Variants in NUDC observed in about 807,000 individuals in gnomAD.
NUDC encodes nuclear migration protein nudC.
In NUDC, 14 loss-of-function variants were observed where a neutral mutation model predicts 45.0. The observed-to-expected ratio is 0.31, with a 90% CI of 0.21 to 0.49. The LOEUF (loss-of-function observed/expected upper bound fraction) is 0.49. NUDC is among the 20% of genes least tolerant of loss of function. The pLI, the probability that NUDC is intolerant of heterozygous loss-of-function variation, is 0.99. For missense variants in NUDC, 323 were observed against 426.2 expected (o/e 0.76, Z 2.13); for synonymous variants, 153 against 156.7 (o/e 0.98, Z 0.17).
Position 26,942,790 on chromosome 1 carries a change from A to G in NUDC, c.546+14A>G. On this transcript the variant is annotated intron_variant, in intron 5 of 8. Transcript: ENST00000321265. The stretch of plus-strand genomic sequence containing the variant: ...TCGGAGCTGGACGTGAGTGTCAGGG[A>G]CCAGAGGTAAAGCTTAGGGGGCCAG... 3.7e-6 allele frequency: 6 copies of G among 1,614,154 alleles called. No homozygotes were observed. The highest frequency in any genetic ancestry group is 5.1e-6 in the Non-Finnish European group (6 of 1,180,028).
intron 2 of NUDC, among the ~76,000 whole-genome samples, chr1:26,910,190 A>C (rs758857894): frequency 1.3e-5 from 2 of 152,118 alleles, no homozygotes; most frequent in African/African-American, 4.8e-5. Context: ...GGGGGTCTGC[A>C]GTACATTGCT....
intron 2 of NUDC, among the ~76,000 whole-genome samples, chr1:26,933,597 A>G (rs987789534): frequency 1.3e-5 from 2 of 151,716 alleles, no homozygotes; most frequent in African/African-American, 4.8e-5. Flanking sequence ...TATTTCTATT[A>G]GAGACGGGGT....
chr1:26,931,125 T>G (rs1002586489), intron 2 of NUDC, among the ~76,000 whole-genome samples: 8 of 151,924 alleles, frequency 5.3e-5, no homozygotes, highest in Non-Finnish European at 7.4e-5. Context: ...TTGCCCAGCC[T>G]GGAGTGCAGT....
In NUDC at chr1:26,946,795, T is replaced by G. The variant is rs2082320415; in HGVS notation, c.*614T>G. On this transcript the variant is annotated 3_prime_UTR_variant, in exon 9 of 9. Transcript: ENST00000321265. ...TGAACCCGGGTGGCGGAGGTTGCAG[T>G]GAGCCGAGATTGCACTACTTCACTC... The G allele has an allele frequency of 6.2e-6, 1 of 161,482 alleles. No homozygotes were observed. The highest frequency in any genetic ancestry group is 1.4e-5 in the Non-Finnish European group (1 of 73,130). The allele number at this position is 161,482 out of a possible 1,614,324, so 10.0% of individuals were successfully genotyped here. A position where few individuals can be genotyped will look rare whatever the true frequency, so the allele number is the denominator to read the frequency against.
chr1:26,913,268 C>T, intron 3 of NUDC: 1 of 794,866 alleles, frequency 1.3e-6, no homozygotes, highest in Non-Finnish European at 2.1e-6. Context: ...GACTGGGTGA[C>T]AGAGTGAGAC....
intron 2 of NUDC, 75 bp downstream of exon 2, chr1:26,924,241 C>G: frequency 7.8e-7 from 1 of 1,277,284 alleles, no homozygotes; most frequent in East Asian, 2.3e-5. Context: ...CTTTCTTTGG[C>G]ATAATAGTAA....
chr1:26,901,397 C>CTTTTT (rs34988488), intron 1 of NUDC, among the ~76,000 whole-genome samples: 40 of 73,616 alleles, frequency 5.4e-4, no homozygotes, highest in South Asian at 1.6e-3. Context: ...GCCTTTTTGT[C>CTTTTT]TTTTTTTTTT....
chr1:26,921,870 G>A lies in NUDC; in HGVS notation c.22G>A (p.Glu8Lys). 2 of 1,554,768 alleles carry A rather than the reference G, an allele frequency of 1.3e-6. No homozygotes were observed. Among genetic ancestry groups the A allele is most frequent in the Non-Finnish European group, 1.7e-6 (2 of 1,149,224 alleles). The change falls in exon 1 of 9, where the codon GAG becomes AAG. Residue 8 changes from glutamate (E) to lysine (K), a missense_variant. Glu to Lys is a moderately conservative substitution (Grantham distance 56). Coordinates refer to ENST00000321265, the MANE Select transcript of NUDC (RefSeq NM_006600.4). Reference protein sequence around the residue: MGGEQEEERFDGMLLAMA... With the variant: MGGEQEEKRFDGMLLAMA... Reference sequence around the variant, plus strand: ...CGCGATGGGCGGAGAGCAGGAGGAGGAGCGGTTCGACGGCATGTTGCTGGC... The same window carrying A: ...CGCGATGGGCGGAGAGCAGGAGGAGAAGCGGTTCGACGGCATGTTGCTGGC...
At chr1:26,927,353 C>CCG (rs1454464806) in intron 2 of NUDC, among the ~76,000 whole-genome samples, 1 of 131,212 alleles carries the variant, frequency 7.6e-6, no homozygotes, top group African/African-American at 3.1e-5. Context: ...CGTGATCCAG[C>CCG]CGCCTTAGCC....
chr1:26,907,588 G>A (rs1020944112), intron 2 of NUDC, among the ~76,000 whole-genome samples: 3 of 150,986 alleles, frequency 2.0e-5, no homozygotes, highest in Non-Finnish European at 2.9e-5. Context: ...GAGTTAATGC[G>A]GGACACAGCA....
At chr1:26,945,525 T>C (rs768055362) in intron 7 of NUDC, 43 bp from the exon 8 acceptor site, 1 of 1,611,812 alleles carries the variant, frequency 6.2e-7, no homozygotes, top group Non-Finnish European at 8.5e-7. Flanking sequence ...GGGGCCTCGT[T>C]GTTTCCAGAG....
chr1:26,909,030 A>G (rs565986892), intron 2 of NUDC, among the ~76,000 whole-genome samples: 1 of 151,930 alleles, frequency 6.6e-6, no homozygotes, highest in Non-Finnish European at 1.5e-5. Flanking sequence ...GCTGGAGTGC[A>G]GTGGTGCGAT....
Position 26,941,831 on chromosome 1 carries a change from G to C in NUDC, c.429+13G>C. The C allele has an allele frequency of 1.2e-6, 2 of 1,612,180 alleles. No homozygotes were observed. The highest frequency in any genetic ancestry group is 1.7e-6 in the Non-Finnish European group (2 of 1,179,670). On this transcript the variant is annotated intron_variant, in intron 4 of 8. Transcript: ENST00000321265. ...CCCAGGGAAGCAGGTGAGATGGACTGCAGGGACTTGGGATGAGCCAGGAGC... is the reference window on the plus strand; with the variant it reads ...CCCAGGGAAGCAGGTGAGATGGACTCCAGGGACTTGGGATGAGCCAGGAGC...
intron 2 of NUDC, among the ~76,000 whole-genome samples, chr1:26,910,772 A>T (rs898015761): frequency 6.6e-6 from 1 of 152,226 alleles, no homozygotes; most frequent in African/African-American, 2.4e-5. Flanking sequence ...AGGCACAGAT[A>T]TTGACCAGTC....
chr1:26,902,957 C>T lies in NUDC; in HGVS notation c.-16+591C>T, dbSNP rs564769335. 1.4e-3 allele frequency among the ~76,000 whole-genome samples: 215 copies of T among 151,606 alleles called. 1 individual carries two copies. Among genetic ancestry groups the T allele is most frequent in the Non-Finnish European group, 2.8e-3 (188 of 67,920 alleles). ...TCAGCTCCTCAGGGAAGCTGAGGCA[C>T]GAGAATCGCTTGAACCCAGGAGGCG... is the stretch of plus-strand genomic sequence containing the variant. On this transcript the variant is annotated intron_variant, in intron 2 of 6. Transcript: ENST00000435827.
At chr1:26,937,265 T>G (rs900371528) in intron 2 of NUDC, among the ~76,000 whole-genome samples, 1 of 152,014 alleles carries the variant, frequency 6.6e-6, no homozygotes, top group Non-Finnish European at 1.5e-5. Flanking sequence ...CCCCATTGTT[T>G]AGGGGGGTTT....
chr1:26,921,701 C>A, upstream of NUDC: 1 of 798,734 alleles, frequency 1.3e-6, no homozygotes, highest in Non-Finnish European at 2.0e-6. Context: ...GAGGTGGAGG[C>A]GGGCCTGGGC....
In NUDC at chr1:26,922,819, G is replaced by C. The variant is rs893800178; in HGVS notation, c.81+890G>C. On this transcript the variant is annotated intron_variant, in intron 1 of 8. Transcript: ENST00000321265. The stretch of plus-strand genomic sequence containing the variant: ...TTCCTATGTAACCTAGGTGTCTGGT[G>C]ACCAAGGACTTCTAAGCCCTTTGTG... Among the ~76,000 whole-genome samples the C allele has an allele frequency of 3.9e-5, 6 of 152,196 alleles. No individual in the cohort carries two copies. In the East Asian group the frequency reaches 1.2e-3, roughly 29 times the overall value.
intron 1 of NUDC, among the ~76,000 whole-genome samples, chr1:26,901,659 C>T (rs1290088441): frequency 6.6e-6 from 1 of 152,130 alleles, no homozygotes; most frequent in Non-Finnish European, 1.5e-5. Flanking sequence ...CCCGCCTTGG[C>T]CTCCCAAAGT....
Sources: allele counts gnomAD v4.1 joint callset (sites outside exome capture counted in the v4.1 genomes callset), GRCh38; gene constraint gnomAD v4.1.1; transcripts MANE v1.5; gene names NCBI Gene and HGNC (gene_info 2026-07-23, HGNC 2026-07-21).